Variants in ALPK3 observed in about 807,000 individuals in gnomAD.
The protein encoded by ALPK3 is alpha-protein kinase 3.
ALPK3 carries 102 observed loss-of-function variants against 140.0 expected under a neutral mutation model. That is an observed-to-expected ratio of 0.73 (90% CI 0.62 to 0.86). ALPK3 has a LOEUF of 0.86. ALPK3 is among the 40% of genes least tolerant of loss of function. The pLI is 0.00. For synonymous variants in ALPK3, 938 were observed against 898.5 expected (o/e 1.04, Z -0.79); for missense variants, 2,254 against 2,208.2 (o/e 1.02, Z -0.42).
rs781012356 is a variant in ALPK3, at chr15:84,858,176, G to T, written c.3438G>T (p.Glu1146Asp). 1 of 1,612,184 alleles carries T rather than the reference G, an allele frequency of 6.2e-7. No homozygotes were observed. Among genetic ancestry groups the T allele is most frequent in the South Asian group, 1.1e-5 (1 of 90,840 alleles). Residue 1146 changes from glutamate (E) to aspartate (D), a missense_variant, in exon 6 of 14, where the codon GAG becomes GAT. Glu to Asp is a conservative substitution (Grantham distance 45). This residue lies in a region of ALPK3 where 2,088 missense variants were observed against 2,022.9 expected (regional missense o/e 1.03). Coordinates refer to ENST00000258888, the MANE Select transcript of ALPK3 (RefSeq NM_020778.5). ...CCCAAGAGGAGAAGTTCCCAGGGGA[G>T]GCTCTGACAGGTCTCCCGGCAGCTA... ...EPSQEEKFPG[E>D]ALTGLPAATP...
chr15:84,833,042 C>T (rs546927857), intron 3 of ALPK3, among the ~76,000 whole-genome samples: 2 of 152,292 alleles, frequency 1.3e-5, no homozygotes, highest in South Asian at 4.2e-4. Context: ...TCCAAAGGAG[C>T]AAGCTTTTCT....
intron 1 of ALPK3, among the ~76,000 whole-genome samples, chr15:84,819,601 G>T (rs1024175073): frequency 6.6e-6 from 1 of 152,204 alleles, no homozygotes; most frequent in Admixed American, 6.5e-5. Flanking sequence ...CAGCCTCACT[G>T]CCTGTGGGGG....
rs1246320318 is a variant in ALPK3, at chr15:84,856,736, G to A, written c.1998G>A (p.Arg666=). The change falls in exon 6 of 14, where the codon AGG becomes AGA. Residue 666 remains arginine, a synonymous_variant. Transcript: ENST00000258888. ...SAQKGMMTQG[R]AETQLETTQA... ...AGAAGGGCATGATGACACAGGGAAG[G>A]GCAGAGACACAGCTAGAAACAACAC... The A allele has an allele frequency of 2.5e-6, 4 of 1,613,970 alleles. No homozygotes were observed. The highest frequency in any genetic ancestry group is 2.2e-5 in the South Asian group (2 of 91,078).
chr15:84,826,475 C>T (rs975759837), intron 2 of ALPK3, among the ~76,000 whole-genome samples: 1 of 146,646 alleles, frequency 6.8e-6, no homozygotes, highest in East Asian at 2.2e-4. Flanking sequence ...GAGGGAGGGC[C>T]GGGCACGGCT....
chr15:84,832,132 A>AT (rs1413679112), intron 3 of ALPK3, among the ~76,000 whole-genome samples: 2 of 152,090 alleles, frequency 1.3e-5, no homozygotes, highest in African/African-American at 4.8e-5. Flanking sequence ...CCAAAGATTT[A>AT]TTTTTTAAGC....
chr15:84,863,037 G>T, intron 10 of ALPK3, 122 bp downstream of exon 10: 1 of 1,348,498 alleles, frequency 7.4e-7, no homozygotes. Context: ...AACCTTATGA[G>T]GCTCCTAGGA....
chr15:84,851,277 T>C (rs955133387), intron 5 of ALPK3, among the ~76,000 whole-genome samples: 18 of 152,012 alleles, frequency 1.2e-4, no homozygotes, highest in Admixed American at 5.9e-4. Context: ...AAAAAGTACA[T>C]AAAAGAGTTA....
chr15:84,848,030 C>T (rs1162120821), intron 5 of ALPK3, among the ~76,000 whole-genome samples: 2 of 149,896 alleles, frequency 1.3e-5, no homozygotes, highest in Admixed American at 6.6e-5. Flanking sequence ...CCACTGTACT[C>T]CAGCCTGGGT....
chr15:84,865,261 G>A (rs1334288198), intron 12 of ALPK3, among the ~76,000 whole-genome samples: 1 of 152,132 alleles, frequency 6.6e-6, no homozygotes, highest in East Asian at 1.9e-4. Flanking sequence ...CTGTCATTAA[G>A]CAGAACTGGA....
Position 84,817,412 on chromosome 15 carries a change from C to A in ALPK3, c.-41C>A. On this transcript the variant is annotated 5_prime_UTR_variant, in exon 1 of 14. Transcript: ENST00000258888. Reference sequence around the variant, plus strand: ...GCCGGGGCCTGGAGGACAGGCGAGGCAGCGGCGAGTGCGGGGCCGGCGGTC... The same window carrying A: ...GCCGGGGCCTGGAGGACAGGCGAGGAAGCGGCGAGTGCGGGGCCGGCGGTC... 1 of 1,241,530 alleles carries A rather than the reference C, an allele frequency of 8.1e-7. No homozygotes were observed. Among genetic ancestry groups the A allele is most frequent in the South Asian group, 3.3e-5 (1 of 29,906 alleles). 76.9% of individuals were successfully genotyped at this position (1,241,530 alleles called of 1,614,324 possible).
Position 84,823,342 on chromosome 15 carries a change from C to T in ALPK3, c.156C>T (p.Asn52=), listed in dbSNP as rs1963449066. The T allele has an allele frequency of 6.2e-7, 1 of 1,614,060 alleles. No homozygotes were observed. The highest frequency in any genetic ancestry group is 8.5e-7 in the Non-Finnish European group (1 of 1,180,054). Residue 52 remains asparagine (N), a synonymous_variant, in exon 2 of 14, where the codon AAC becomes AAT. Coordinates refer to ENST00000258888, the MANE Select transcript of ALPK3 (RefSeq NM_020778.5). ...TGTTTTTGCTTAGCTTATCAAGCAA[C>T]CGGTTGTCTCACCCCAGCTCTGGAA... is the stretch of plus-strand genomic sequence containing the variant. The part of the protein sequence containing the change: ...SVRPETSLSS[N]RLSHPSSGRS...
chr15:84,839,854 A>AGCT lies in ALPK3; in HGVS notation c.578_580dup (p.Leu193dup), dbSNP rs754016665. 1 of 1,614,116 alleles carries AGCT rather than the reference A, an allele frequency of 6.2e-7. No homozygotes were observed. Among genetic ancestry groups the AGCT allele is most frequent in the Admixed American group, 1.7e-5 (1 of 60,030 alleles). Reference sequence around the variant, plus strand: ...AAGTTGAAGCGCAAGGCTGCGGCAAAGCTGCGCGAGATCGAGCAGAGCTGG... The same window carrying AGCT: ...AAGTTGAAGCGCAAGGCTGCGGCAAAGCTGCTGCGCGAGATCGAGCAGAGCTGG... On this transcript the variant is annotated inframe_insertion, in exon 5 of 14. Transcript: ENST00000258888.
At position 84,817,811 on chromosome 15, in the gene ALPK3, T is replaced by G. The variant is rs7179643; in HGVS notation, c.143+216T>G. ...CCATGCGCCTCAGGCCTCTGGCAAT[T>G]CGAGGCTCAAGAGAGGACAAAGGCT... On this transcript the variant is annotated intron_variant, in intron 1 of 13. Coordinates refer to ENST00000258888, the MANE Select transcript of ALPK3 (RefSeq NM_020778.5). 0.77 allele frequency among the ~76,000 whole-genome samples: 117,701 copies of G among 152,156 alleles called. 45,809 individuals are homozygous for G. Among genetic ancestry groups the G allele is most frequent in the East Asian group, 0.92 (4,728 of 5,154 alleles).
At chr15:84,867,465 G>T in intron 13 of ALPK3, 100 bp downstream of exon 13, 1 of 1,399,110 alleles carries the variant, frequency 7.1e-7, no homozygotes, top group South Asian at 1.2e-5. Context: ...GCTGGGCCTG[G>T]GGCCAAGTGG....
intron 5 of ALPK3, among the ~76,000 whole-genome samples, chr15:84,849,767 A>G (rs2141563098): frequency 6.6e-6 from 1 of 152,302 alleles, no homozygotes; most frequent in South Asian, 2.1e-4. Flanking sequence ...CCTTGAAGAA[A>G]ATGTATAGCA....
chr15:84,858,640 A>G, intron 6 of ALPK3, 85 bp downstream of exon 6: 2 of 1,464,242 alleles, frequency 1.4e-6, no homozygotes, highest in South Asian at 1.4e-5. Context: ...GCACTACCCC[A>G]TGACAGATAG....
At chr15:84,858,661 CTCGGGAT>C in intron 6 of ALPK3, 106 bp downstream of exon 6, 1 of 1,419,364 alleles carries the variant, frequency 7.0e-7, no homozygotes, top group East Asian at 2.4e-5. Context: ...CATATCCCTC[CTCGGGAT>C]TCATAAATTA....
At chr15:84,827,215 G>C (rs1596146269) in intron 2 of ALPK3, among the ~76,000 whole-genome samples, 1 of 152,224 alleles carries the variant, frequency 6.6e-6, no homozygotes, top group Admixed American at 6.5e-5. Flanking sequence ...ACCTGGGCTT[G>C]TAGACTGGCA....
rs543848534 is a variant in ALPK3, at chr15:84,862,200, CTTT to C, written c.4130-432_4130-430del. Reference sequence around the variant, plus strand: ...ATTGCTGCTGGATTGGTCCTGCAAACTTTTTGTTTCAGTCAAACGTGTTGGTTG... The same window carrying C: ...ATTGCTGCTGGATTGGTCCTGCAAACTTGTTTCAGTCAAACGTGTTGGTTG... On this transcript the variant is annotated intron_variant, in intron 9 of 13. Coordinates refer to ENST00000258888, the MANE Select transcript of ALPK3 (RefSeq NM_020778.5). Among the ~76,000 whole-genome samples the C allele has an allele frequency of 5.3e-5, 8 of 152,264 alleles. No individual in the cohort carries two copies. In the South Asian group the frequency reaches 1.7e-3, roughly 32 times the overall value.
Sources: allele counts gnomAD v4.1 joint callset (sites outside exome capture counted in the v4.1 genomes callset), GRCh38; gene constraint gnomAD v4.1.1; regional missense constraint gnomAD v4.1.1; transcripts MANE v1.5; gene names NCBI Gene and HGNC (gene_info 2026-07-23, HGNC 2026-07-21).